Variants in PPP1R13L observed in about 807,000 individuals in gnomAD.
PPP1R13L encodes the protein relA-associated inhibitor.
PPP1R13L carries 50 observed loss-of-function variants against 80.9 expected under a neutral mutation model. The observed-to-expected ratio is 0.62, with a 90% confidence interval of 0.49 to 0.78. The LOEUF (loss-of-function observed/expected upper bound fraction) is 0.78. Ranked by LOEUF, PPP1R13L falls within the 30% of genes least tolerant of loss-of-function variation. PPP1R13L has a pLI of 0.00. For synonymous variants in PPP1R13L, 602 were observed against 534.3 expected, an observed-to-expected ratio of 1.13 and a Z score of -1.75; for missense variants, 1,200 against 1,205.9, an observed-to-expected ratio of 1.00 and a Z score of 0.07.
At position 45,380,037 on chromosome 19, in the gene PPP1R13L, C is replaced by T. The variant is rs1043691547; in HGVS notation, c.*153G>A. 5.9e-6 allele frequency: 5 copies of T among 847,988 alleles called. No homozygotes were observed. The highest frequency in any genetic ancestry group is 3.4e-5 in the African/African-American group (2 of 58,972). The allele number at this position is 847,988 out of a possible 1,614,324, so 52.5% of individuals were successfully genotyped here. On this transcript the variant is annotated 3_prime_UTR_variant, in exon 13 of 13. Transcript: ENST00000360957. ...TTTAAGGCTGGGGCCCTCCTTCTTCCCTGGACTTCCAGGAGAACAGAGAAC... is the reference window on the plus strand; with the variant it reads ...TTTAAGGCTGGGGCCCTCCTTCTTCTCTGGACTTCCAGGAGAACAGAGAAC...
chr19:45,395,554 T>G lies in PPP1R13L; in HGVS notation c.1236A>C (p.Pro412=). The stretch of plus-strand genomic sequence containing the variant: ...GTGGTTGTGATTGTGGCTGGGGCTG[T>G]GGTTGTGGTTGGGGCTGCAGCTTAG... ...PPPKLQPQPQ[P]QPQPQSQPQP... The change falls in exon 7 of 13, where the codon CCA becomes CCC. Residue 412 remains proline (P), a synonymous_variant. Coordinates refer to ENST00000360957, the MANE Select transcript of PPP1R13L (RefSeq NM_006663.4). The G allele has an allele frequency of 6.8e-7, 1 of 1,469,068 alleles. No individual in the cohort carries two copies. Among genetic ancestry groups the G allele is most frequent in the Non-Finnish European group, 9.0e-7 (1 of 1,109,858 alleles). 91.0% of individuals were successfully genotyped at this position (1,469,068 alleles called of 1,614,324 possible).
At chr19:45,385,988 G>A in intron 9 of PPP1R13L, 31 bp from the exon 10 acceptor site, 5 of 1,587,138 alleles carry the variant, frequency 3.2e-6, no homozygotes, top group Non-Finnish European at 4.3e-6. Context: ...GGAAGACTCA[G>A]TCCCGCGGCT....
chr19:45,401,065 C>A lies in PPP1R13L; in HGVS notation c.-21-2726G>T, dbSNP rs562890826. 7.5e-5 allele frequency among the ~76,000 whole-genome samples: 11 copies of A among 146,418 alleles called. 2 individuals are homozygous for A. Among genetic ancestry groups the A allele is most frequent in the Non-Finnish European group, 1.6e-4 (11 of 67,054 alleles). ...TGCTGGGATTACAGGCGTGAGCCAC[C>A]GCGCCCGGCCACCCAGCTAATTTTT... On this transcript the variant is annotated intron_variant, in intron 1 of 12. Transcript: ENST00000360957.
chr19:45,405,203 A>G (rs10412761), upstream of PPP1R13L: 98,091 of 206,644 alleles, frequency 0.47, 24,835 homozygotes, highest in East Asian at 0.76. Context: ...GACGTAGCCC[A>G]AGACGATCCC....
In PPP1R13L at chr19:45,395,691, G is replaced by A. The variant is rs1302860154; in HGVS notation, c.1099C>T (p.Gln367Ter). Residue 367 changes from glutamine to a stop codon, truncating the protein, a stop_gained, in exon 7 of 13, where the codon CAG (glutamine) becomes TAG (stop). Transcript: ENST00000360957. LOFTEE classifies it high-confidence loss of function. ...SSPQPRGAPR[Q>*]RPIPLSMIFK... ...ATCATGCTGAGGGGGATGGGACGCT[G>A]GCGCGGGGCCCCGCGGGGCTGGGGG... 2 of 1,450,712 alleles carry A rather than the reference G, an allele frequency of 1.4e-6. No homozygotes were observed. The highest frequency in any genetic ancestry group is 1.8e-6 in the Non-Finnish European group (2 of 1,111,856). The allele number at this position is 1,450,712 out of a possible 1,614,324, so 89.9% of individuals were successfully genotyped here. A position where few individuals can be genotyped will look rare whatever the true frequency, so the allele number is the denominator to read the frequency against.
In PPP1R13L at chr19:45,396,970, G is replaced by A. The variant is rs1352870852; in HGVS notation, c.287C>T (p.Pro96Leu). The change falls in exon 4 of 13, where the codon CCG becomes CTG. Residue 96 changes from proline (P) to leucine (L), a missense_variant. Physicochemically the swap from Pro to Leu is moderately conservative, Grantham distance 98. Coordinates refer to ENST00000360957, the MANE Select transcript of PPP1R13L (RefSeq NM_006663.4). This position sits in a 1 kb window ranked among gnomAD's most constrained non-coding sequence, Gnocchi z 5.3. ...TGGGGCACTCTCTGATCGTCCGAAC[G>A]GGGTGTCTGCGCCGTCGGTGGCCGC... The part of the protein sequence containing the change: ...RKAATDGADT[P>L]FGRSESAPTL... The A allele has an allele frequency of 1.4e-5, 19 of 1,399,428 alleles. No homozygotes were observed. The highest frequency in any genetic ancestry group is 2.8e-5 in the East Asian group (1 of 36,124). The allele number at this position is 1,399,428 out of a possible 1,614,324, so 86.7% of individuals were successfully genotyped here.
chr19:45,396,140 C>G lies in PPP1R13L; in HGVS notation c.903+28G>C. The stretch of plus-strand genomic sequence containing the variant: ...ACCCCACTCCTCGACCTTCCCCAGC[C>G]TCTCCTCCCCAGGCGTCGCCTCCTC... On this transcript the variant is annotated intron_variant, in intron 6 of 12. Transcript: ENST00000360957. The surrounding 1 kb of genome is among the most constrained non-coding windows in gnomAD (Gnocchi z 5.3). 1.3e-6 allele frequency: 2 copies of G among 1,574,556 alleles called. No homozygotes were observed. Among genetic ancestry groups the G allele is most frequent in the Non-Finnish European group, 8.6e-7 (1 of 1,161,760 alleles).
Position 45,386,161 on chromosome 19 carries a change from C to G in PPP1R13L, c.1835G>C (p.Arg612Pro). 2 of 1,535,698 alleles carry G rather than the reference C, an allele frequency of 1.3e-6. No individual in the cohort carries two copies. Among genetic ancestry groups the G allele is most frequent in the Non-Finnish European group, 1.7e-6 (2 of 1,155,334 alleles). The change falls in exon 9 of 13, where the codon CGG becomes CCG. Residue 612 changes from arginine (R) to proline (P), a missense_variant. Around this residue, in one of 5 missense-constraint regions of PPP1R13L, gnomAD observed 214 missense variants for 199.6 expected, o/e 1.07. Transcript: ENST00000360957. ...PQSMEMRSVL[R>P]KAGSPRKARR... ...GGCCTTGCGCGGGGAGCCCGCCTTCCGCAGCACAGAGCGCATCTCCTGGGG... is the reference window on the plus strand; with the variant it reads ...GGCCTTGCGCGGGGAGCCCGCCTTCGGCAGCACAGAGCGCATCTCCTGGGG...
At chr19:45,386,424 G>A (rs1235753769) in intron 8 of PPP1R13L, among the ~76,000 whole-genome samples, 1 of 152,056 alleles carries the variant, frequency 6.6e-6, no homozygotes, top group African/African-American at 2.4e-5. Flanking sequence ...AAAGCTGGGG[G>A]GCCATGGGAT....
Position 45,392,024 on chromosome 19 carries a change from T to C in PPP1R13L, c.1671A>G (p.Pro557=), listed in dbSNP as rs1348920980. 17 of 1,541,282 alleles carry C rather than the reference T, an allele frequency of 1.1e-5. No individual in the cohort carries two copies. The highest frequency in any genetic ancestry group is 1.5e-5 in the Non-Finnish European group (17 of 1,147,480). The change falls in exon 8 of 13, where the codon CCA becomes CCG. Residue 557 remains proline (P), a synonymous_variant. Transcript: ENST00000360957. ...GCTCTGGCTCCGGCCCCCCGGGCCCTGGCCCCCCATGACGATGGAAGAGGC... is the reference window on the plus strand; with the variant it reads ...GCTCTGGCTCCGGCCCCCCGGGCCCCGGCCCCCCATGACGATGGAAGAGGC... The part of the protein sequence containing the change: ...ISRLFHRHGG[P]GPGGPEPELS...
At chr19:45,381,258 C>T (rs1048933359) in intron 12 of PPP1R13L, among the ~76,000 whole-genome samples, 7 of 150,816 alleles carry the variant, frequency 4.6e-5, no homozygotes, top group African/African-American at 7.3e-5. Flanking sequence ...GATGGAGTTT[C>T]ACCATGTTGG....
At position 45,395,524 on chromosome 19, in the gene PPP1R13L, G is replaced by A; in HGVS notation, c.1266C>T (p.Pro422=). The A allele has an allele frequency of 1.3e-6, 2 of 1,493,246 alleles. No individual in the cohort carries two copies. The highest frequency in any genetic ancestry group is 1.8e-6 in the Non-Finnish European group (2 of 1,118,106). 92.5% of individuals were successfully genotyped at this position (1,493,246 alleles called of 1,614,324 possible). ...GGGTCTGGGGCTGTGGGGGCAGCTG[G>A]GGCTGTGGTTGTGATTGTGGCTGGG... ...PQPQPQSQPQ[P]QLPPQPQTQP... Residue 422 remains proline, a synonymous_variant, in exon 7 of 13, where the codon CCC becomes CCT. Coordinates refer to ENST00000360957, the MANE Select transcript of PPP1R13L (RefSeq NM_006663.4).
At chr19:45,395,256 CT>C in intron 7 of PPP1R13L, 179 bp downstream of exon 7, 1 of 817,578 alleles carries the variant, frequency 1.2e-6, no homozygotes, top group Non-Finnish European at 2.0e-6. Context: ...CACACTTAAC[CT>C]TTGAGCTATC....
At chr19:45,403,653 T>TCCTA (rs963889537) in intron 1 of PPP1R13L, among the ~76,000 whole-genome samples, 5 of 152,108 alleles carry the variant, frequency 3.3e-5, no homozygotes, top group African/African-American at 7.2e-5. Flanking sequence ...ATGCGAGCTT[T>TCCTA]CCTACCTACC....
intron 8 of PPP1R13L, 112 bp downstream of exon 8, chr19:45,391,768 A>G: frequency 1.2e-6 from 1 of 806,380 alleles, no homozygotes; most frequent in Non-Finnish European, 1.7e-6. Context: ...ACTTCTACTC[A>G]AAAGAGGAGA....
rs766258444 is a variant in PPP1R13L at position 45,398,099 on chromosome 19, GC to G, written c.103del (p.Ala35ArgfsTer8). 1.2e-6 allele frequency: 2 copies of G among 1,614,148 alleles called. No homozygotes were observed. Among genetic ancestry groups the G allele is most frequent in the Non-Finnish European group, 8.5e-7 (1 of 1,180,028 alleles). On this transcript the variant is annotated frameshift_variant, in exon 3 of 13. Coordinates refer to ENST00000360957, the MANE Select transcript of PPP1R13L (RefSeq NM_006663.4). LOFTEE classifies it high-confidence loss of function. ...GGTCAGTTCATCCACCTTGGCCGCC[GC>G]CGTGTCCAGCTCCATCTGCTTCAGA... is the stretch of plus-strand genomic sequence containing the variant. ...MDLKQMELDTAAAKVDELTKQ... is the reference protein window; with the variant it reads ...MDLKQMELDTXAAKVDELTKQ...
At chr19:45,381,214 C>T (rs1440138457) in intron 12 of PPP1R13L, among the ~76,000 whole-genome samples, 1 of 151,284 alleles carries the variant, frequency 6.6e-6, no homozygotes, top group African/African-American at 2.4e-5. Flanking sequence ...GCCACCACAC[C>T]CGGCTAACTT....
chr19:45,385,912 G>T lies in PPP1R13L; in HGVS notation c.1993C>A (p.His665Asn). 1 of 1,612,156 alleles carries T rather than the reference G, an allele frequency of 6.2e-7. No homozygotes were observed. The highest frequency in any genetic ancestry group is 8.5e-7 in the Non-Finnish European group (1 of 1,179,260). Residue 665 changes from histidine (H) to asparagine (N), a missense_variant, in exon 10 of 13, where the codon CAC (histidine) becomes AAC (asparagine). His to Asn is a moderately conservative substitution (Grantham distance 68). Transcript: ENST00000360957. ...QPNEEGITAL[H>N]NAICGANYSI... ...TAGTTGGCGCCGCAGATGGCGTTGT[G>T]CAAGGCAGTGATGCCCTCCTCGTTG...
chr19:45,392,027 C>A lies in PPP1R13L; in HGVS notation c.1668G>T (p.Gly556=). The A allele has an allele frequency of 6.5e-7, 1 of 1,541,084 alleles. No homozygotes were observed. Among genetic ancestry groups the A allele is most frequent in the South Asian group, 1.3e-5 (1 of 79,150 alleles). The change falls in exon 8 of 13, where the codon GGG becomes GGT. Residue 556 remains glycine, a synonymous_variant. Coordinates refer to ENST00000360957, the MANE Select transcript of PPP1R13L (RefSeq NM_006663.4). ...IISRLFHRHG[G]PGPGGPEPEL... is the part of the protein sequence containing the mutation. ...CTGGCTCCGGCCCCCCGGGCCCTGG[C>A]CCCCCATGACGATGGAAGAGGCGGC...
Sources: allele counts gnomAD v4.1 joint callset (sites outside exome capture counted in the v4.1 genomes callset), GRCh38; gene constraint gnomAD v4.1.1; regional missense constraint gnomAD v4.1.1; non-coding constraint Gnocchi (gnomAD v3.1); transcripts MANE v1.5; gene names NCBI Gene and HGNC (gene_info 2026-07-23, HGNC 2026-07-21).